FAM76A: variants seen among roughly 807,000 people sequenced by gnomAD.
FAM76A encodes protein FAM76A.
Under a neutral mutation model 46.2 loss-of-function variants are expected in FAM76A, and 32 were observed. The ratio of observed to expected loss-of-function variants is 0.69; its 90% CI spans 0.52 to 0.93. The LOEUF (loss-of-function observed/expected upper bound fraction) is 0.93, where lower values mean the gene tolerates loss of function less well. FAM76A is among the 40% of genes least tolerant of loss of function. The pLI is 0.00. For missense variants in FAM76A, 274 were observed against 361.5 expected (o/e 0.76, Z 1.96); for synonymous variants, 137 against 127.0 (o/e 1.08, Z -0.53).
chr1:27,742,414 G>C (rs1288293795), intron 4 of FAM76A, among the ~76,000 whole-genome samples: 2 of 152,076 alleles, frequency 1.3e-5, no homozygotes, highest in African/African-American at 4.8e-5. Context: ...AGTTACTTTT[G>C]CTCAAAGGAG....
At chr1:27,757,429 C>T (rs1294145382) in intron 7 of FAM76A, among the ~76,000 whole-genome samples, 1 of 151,982 alleles carries the variant, frequency 6.6e-6, no homozygotes, top group Non-Finnish European at 1.5e-5. Flanking sequence ...TGCAGTGGTG[C>T]AATCTCTGCT....
At position 27,749,006 on chromosome 1, in the gene FAM76A, A is replaced by C. The variant is rs2088291399; in HGVS notation, c.513-62A>C. On this transcript the variant is annotated intron_variant, in intron 5 of 8. Coordinates refer to ENST00000373954, the MANE Select transcript of FAM76A (RefSeq NM_152660.3). ...ACATTGGTCTATTTGACAGACTTTC[A>C]TTGTGATGTTTTGTTAATCTTTGAT... The C allele has an allele frequency of 2.7e-6, 3 of 1,113,000 alleles. No individual in the cohort carries two copies. The Admixed American group carries it at 7.0e-5, about 26-fold the overall frequency. The allele number at this position is 1,113,000 out of a possible 1,614,324, so 68.9% of individuals were successfully genotyped here.
Position 27,760,381 on chromosome 1 carries a change from A to G in FAM76A, c.838-114A>G, listed in dbSNP as rs1393003821. On this transcript the variant is annotated intron_variant, in intron 8 of 8. Transcript: ENST00000373954. ...TTGTTTTCCACCTCTAGAATTGTTCATCTCTTTCTGACCCTCCACATTGTC... is the reference window on the plus strand; with the variant it reads ...TTGTTTTCCACCTCTAGAATTGTTCGTCTCTTTCTGACCCTCCACATTGTC... The G allele has an allele frequency of 8.0e-6, 6 of 747,736 alleles. No individual in the cohort carries two copies. In the South Asian group the frequency reaches 1.1e-4, roughly 13 times the overall value. The allele number at this position is 747,736 out of a possible 1,614,324, so 46.3% of individuals were successfully genotyped here. A position where few individuals can be genotyped will look rare whatever the true frequency, so the allele number is the denominator to read the frequency against.
intron 7 of FAM76A, among the ~76,000 whole-genome samples, chr1:27,756,416 A>G (rs2088410209): frequency 6.6e-6 from 1 of 151,700 alleles, no homozygotes; most frequent in Non-Finnish European, 1.5e-5. Flanking sequence ...TCAACCTCTC[A>G]AGTAGCTGGG....
chr1:27,733,247 A>G (rs1467455161), intron 3 of FAM76A, among the ~76,000 whole-genome samples: 1 of 151,972 alleles, frequency 6.6e-6, no homozygotes, highest in Non-Finnish European at 1.5e-5. Context: ...AATTTTTATA[A>G]CTTTGACCCC....
Position 27,734,324 on chromosome 1 carries a change from G to C in FAM76A, c.354+141G>C, listed in dbSNP as rs2088009113. On this transcript the variant is annotated intron_variant, in intron 4 of 8. Transcript: ENST00000373954. ...GCACTTTGGGAGGCCGAGGCTAGTGGATCATGAGGTCAGGAGATCAAGACT... is the reference window on the plus strand; with the variant it reads ...GCACTTTGGGAGGCCGAGGCTAGTGCATCATGAGGTCAGGAGATCAAGACT... 6 of 731,660 alleles carry C rather than the reference G, an allele frequency of 8.2e-6. No individual in the cohort carries two copies. In the Admixed American group the frequency reaches 2.2e-4, roughly 26 times the overall value. 45.3% of individuals were successfully genotyped at this position (731,660 alleles called of 1,614,324 possible).
chr1:27,759,769 T>TTTTTTTTTG, intron 8 of FAM76A, 142 bp downstream of exon 8: 6 of 649,136 alleles, frequency 9.2e-6, no homozygotes, highest in African/African-American at 6.5e-5. Context: ...CTTTTAGGTT[T>TTTTTTTTTG]TTTTTTTTTG....
chr1:27,752,203 TA>T (rs2088343339), intron 6 of FAM76A, among the ~76,000 whole-genome samples: 1 of 152,220 alleles, frequency 6.6e-6, no homozygotes, highest in Admixed American at 6.5e-5. Context: ...TTCTCTTATT[TA>T]ATATTGAGTT....
At chr1:27,730,672 T>C (rs1339308528) in intron 2 of FAM76A, among the ~76,000 whole-genome samples, 2 of 152,220 alleles carry the variant, frequency 1.3e-5, no homozygotes, top group East Asian at 3.8e-4. Context: ...TTACTGTCTT[T>C]TAAAAGTAAC....
rs1557792040 is a variant in FAM76A at position 27,762,030 on chromosome 1, CTAG to C, written c.*1452_*1454del. On this transcript the variant is annotated 3_prime_UTR_variant, in exon 9 of 9. Transcript: ENST00000373954. ...ATTTTTGGGGTCAGCATGAGCTGCT[CTAG>C]TAAGGACTCTTGAGTCTGGGAAAAG... The C allele has an allele frequency of 6.6e-6, 1 of 151,852 alleles. No individual in the cohort carries two copies. The highest frequency in any genetic ancestry group is 1.9e-4 in the East Asian group (1 of 5,186). 9.4% of individuals were successfully genotyped at this position (151,852 alleles called of 1,614,324 possible). A position where few individuals can be genotyped will look rare whatever the true frequency, so the allele number is the denominator to read the frequency against.
At chr1:27,745,065 G>A (rs189438369) in intron 5 of FAM76A, among the ~76,000 whole-genome samples, 1 of 152,304 alleles carries the variant, frequency 6.6e-6, no homozygotes, top group East Asian at 1.9e-4. Context: ...TTCGTTTGTA[G>A]TGTTCTCACC....
chr1:27,749,069 C>T lies in FAM76A; in HGVS notation c.514C>T (p.Gln172Ter). Reference sequence around the variant, plus strand: ...TCTCTCTATTTTTGCCATTAAAAGCCAGAAAACACTTTCTACATCTTCAAT... The same window carrying T: ...TCTCTCTATTTTTGCCATTAAAAGCTAGAAAACACTTTCTACATCTTCAAT... ...RLSGGGHYNSQKTLSTSSIQN... is the reference protein window; with the variant it reads ...RLSGGGHYNS The change falls in exon 6 of 9, where the codon CAG becomes TAG. Residue 172 changes from glutamine (Q) to a stop codon, truncating the protein, a stop_gained and splice_region_variant. Coordinates refer to ENST00000373954, the MANE Select transcript of FAM76A (RefSeq NM_152660.3). LOFTEE classifies it high-confidence loss of function. 6.3e-7 allele frequency: 1 copy of T among 1,587,856 alleles called. No homozygotes were observed. The highest frequency in any genetic ancestry group is 8.5e-7 in the Non-Finnish European group (1 of 1,172,230).
chr1:27,754,099 CTTTTTTTTTTTTT>C (rs869275641), intron 6 of FAM76A, among the ~76,000 whole-genome samples: 1 of 87,526 alleles, frequency 1.1e-5, no homozygotes, highest in African/African-American at 5.1e-5. Flanking sequence ...ACTATCCCTT[CTTTTTTTTTTTTT>C]TTTTTTTTTT....
Position 27,761,538 on chromosome 1 carries a change from T to C in FAM76A, c.*957T>C, listed in dbSNP as rs2088510308. ...CTCTCCCCACCCCTTTCCTGATTGT[T>C]TTATGTGATTGATTTTAAATTCTCA... On this transcript the variant is annotated 3_prime_UTR_variant, in exon 9 of 9. Coordinates refer to ENST00000373954, the MANE Select transcript of FAM76A (RefSeq NM_152660.3). 6.6e-6 allele frequency: 1 copy of C among 152,626 alleles called. No individual in the cohort carries two copies. Among genetic ancestry groups the C allele is most frequent in the South Asian group, 2.1e-4 (1 of 4,834 alleles). 9.5% of individuals were successfully genotyped at this position (152,626 alleles called of 1,614,324 possible).
chr1:27,752,725 G>A (rs960969794), intron 6 of FAM76A, among the ~76,000 whole-genome samples: 3 of 152,194 alleles, frequency 2.0e-5, no homozygotes, highest in South Asian at 2.1e-4. Flanking sequence ...CTTACAGTAC[G>A]AGCTTTTGTA....
chr1:27,758,599 T>C (rs1026858770), intron 7 of FAM76A, among the ~76,000 whole-genome samples: 6 of 151,880 alleles, frequency 4.0e-5, no homozygotes, highest in African/African-American at 1.5e-4. Context: ...CCTCCCTGGC[T>C]CAAGCGATCC....
At chr1:27,759,821 G>A (rs1557790125) in intron 8 of FAM76A, 194 bp downstream of exon 8, 1 of 556,360 alleles carries the variant, frequency 1.8e-6, no homozygotes, top group South Asian at 1.8e-5. Context: ...AGGCTGGAGG[G>A]CAGTGGCACG....
chr1:27,746,024 A>T (rs1203721330), intron 5 of FAM76A, among the ~76,000 whole-genome samples: 1 of 152,194 alleles, frequency 6.6e-6, no homozygotes, highest in African/African-American at 2.4e-5. Context: ...CATTTAAAAA[A>T]TTAACCCTGA....
chr1:27,748,346 G>A (rs895392283), intron 5 of FAM76A, among the ~76,000 whole-genome samples: 13 of 150,986 alleles, frequency 8.6e-5, no homozygotes, highest in African/African-American at 2.9e-4. Context: ...GGATGGTGTC[G>A]ATCTCCTGAC....
Sources: allele counts gnomAD v4.1 joint callset (sites outside exome capture counted in the v4.1 genomes callset), GRCh38; gene constraint gnomAD v4.1.1; transcripts MANE v1.5; gene names NCBI Gene and HGNC (gene_info 2026-07-23, HGNC 2026-07-21).